Variants in CD226 observed in about 807,000 individuals in gnomAD.
The protein encoded by CD226 is CD226 antigen.
Under a neutral mutation model 34.9 loss-of-function variants are expected in CD226, and 24 were observed. The observed-to-expected ratio is 0.69, with a 90% CI of 0.50 to 0.97. The LOEUF is 0.97. Ranked by LOEUF, CD226 falls within the 50% of genes least tolerant of loss-of-function variation. The pLI is 0.00. For synonymous variants in CD226, 148 were observed against 147.4 expected (o/e 1.00, Z -0.03); for missense variants, 397 against 412.7 (o/e 0.96, Z 0.33).
chr18:69,877,038 A>G (rs1172857422), intron 3 of CD226, among the ~76,000 whole-genome samples: 1 of 151,614 alleles, frequency 6.6e-6, no homozygotes, highest in Non-Finnish European at 1.5e-5. Context: ...TAATTTTTGT[A>G]TTTTTAGTAG....
intron 3 of CD226, among the ~76,000 whole-genome samples, chr18:69,878,141 TGAAGCCCTTTTCTTTAAAAAG>T (rs941110569): frequency 3.9e-5 from 6 of 152,252 alleles, no homozygotes; most frequent in African/African-American, 1.2e-4. Context: ...ATGTCAGCCC[TGAAGCCCTTTTCTTTAAAAAG>T]GAAGCCCTTT....
chr18:69,864,190 C>A lies in CD226; in HGVS notation c.*124G>T. ...TTAGGTAATGAAGTATTTTTCCTATCAAAGTAACTCAATTCAGACAACTAG... is the reference window on the plus strand; with the variant it reads ...TTAGGTAATGAAGTATTTTTCCTATAAAAGTAACTCAATTCAGACAACTAG... On this transcript the variant is annotated 3_prime_UTR_variant, in exon 6 of 6. Coordinates refer to ENST00000582621, the MANE Select transcript of CD226 (RefSeq NM_001303618.2). The A allele has an allele frequency of 1.3e-6, 1 of 776,672 alleles. No homozygotes were observed. Among genetic ancestry groups the A allele is most frequent in the Non-Finnish European group, 2.1e-6 (1 of 486,738 alleles). 48.1% of individuals were successfully genotyped at this position (776,672 alleles called of 1,614,324 possible).
rs998104124 is a variant in CD226, at chr18:69,857,761, T to A, written c.*6553A>T. Reference sequence around the variant, plus strand: ...ATGAGAACTTAGTCTAGAAAGGGCCTCCACTTATTTGACCACAGGTAGAAG... The same window carrying A: ...ATGAGAACTTAGTCTAGAAAGGGCCACCACTTATTTGACCACAGGTAGAAG... On this transcript the variant is annotated 3_prime_UTR_variant, in exon 6 of 6. Transcript: ENST00000582621. The A allele has an allele frequency of 1.3e-5, 2 of 152,184 alleles. No homozygotes were observed. The highest frequency in any genetic ancestry group is 4.8e-5 in the African/African-American group (2 of 41,438). 9.4% of individuals were successfully genotyped at this position (152,184 alleles called of 1,614,324 possible). A position where few individuals can be genotyped will look rare whatever the true frequency, so the allele number is the denominator to read the frequency against.
chr18:69,891,572 T>C (rs1691333470), intron 3 of CD226, among the ~76,000 whole-genome samples: 2 of 152,146 alleles, frequency 1.3e-5, no homozygotes, highest in East Asian at 1.9e-4. Context: ...GACATAATCA[T>C]ATATGTATAA....
intron 1 of CD226, among the ~76,000 whole-genome samples, chr18:69,953,092 C>T (rs2055867540): frequency 1.3e-5 from 2 of 152,170 alleles, no homozygotes; most frequent in South Asian, 4.1e-4. Flanking sequence ...GAAATTCGAA[C>T]CCTTGTGTAC....
At chr18:69,939,203 ACCCTTTCAG>A (rs2055692626) in intron 2 of CD226, among the ~76,000 whole-genome samples, 1 of 152,084 alleles carries the variant, frequency 6.6e-6, no homozygotes, top group Admixed American at 6.6e-5. Context: ...AGCCTTAAAG[ACCCTTTCAG>A]CCCTTCCTGA....
At chr18:69,880,609 A>G (rs1984192411) in intron 3 of CD226, among the ~76,000 whole-genome samples, 1 of 151,708 alleles carries the variant, frequency 6.6e-6, no homozygotes, top group African/African-American at 2.4e-5. Context: ...TTGGTCAAAG[A>G]GTACAAAATT....
upstream of CD226, among the ~76,000 whole-genome samples, chr18:69,949,552 T>C (rs529118775): frequency 1.3e-3 from 192 of 152,062 alleles, 1 homozygote; most frequent in African/African-American, 4.5e-3. Context: ...CCTGCATTCA[T>C]ATCTTCTGTC....
chr18:69,884,182 A>G (rs902859217), intron 3 of CD226, among the ~76,000 whole-genome samples: 1 of 152,118 alleles, frequency 6.6e-6, no homozygotes, highest in Non-Finnish European at 1.5e-5. Context: ...TGGATGACAG[A>G]GCAAGACCCT....
intron 3 of CD226, among the ~76,000 whole-genome samples, chr18:69,886,366 A>G (rs1419691400): frequency 6.6e-6 from 1 of 152,202 alleles, no homozygotes; most frequent in East Asian, 1.9e-4. Flanking sequence ...GTGACACGTA[A>G]TTCTTAGAAC....
At chr18:69,894,534 A>G (rs1354875440) in intron 3 of CD226, among the ~76,000 whole-genome samples, 12 of 116 alleles carry the variant, frequency 0.1, 4 homozygotes, top group South Asian at 1. Flanking sequence ...GGGGAGAGAC[A>G]GGAGGGGAGG....
chr18:69,864,516 C>A (rs781043142), intron 5 of CD226, 77 bp from the exon 6 acceptor site: 1 of 1,410,718 alleles, frequency 7.1e-7, no homozygotes, highest in African/African-American at 1.4e-5. Context: ...AAACATACCT[C>A]TCATAAATGC....
intron 2 of CD226, among the ~76,000 whole-genome samples, chr18:69,941,704 C>T (rs1410377185): frequency 6.6e-6 from 1 of 152,166 alleles, no homozygotes; most frequent in African/African-American, 2.4e-5. Flanking sequence ...AGGTACTTGC[C>T]TTGTCTCAGA....
intron 2 of CD226, among the ~76,000 whole-genome samples, chr18:69,927,969 C>T (rs2055543992): frequency 1.3e-5 from 2 of 152,092 alleles, no homozygotes. Context: ...TTGCAAATGA[C>T]ACTAAACCAC....
At chr18:69,880,042 T>C (rs1050591470) in intron 3 of CD226, among the ~76,000 whole-genome samples, 1 of 152,200 alleles carries the variant, frequency 6.6e-6, no homozygotes, top group Non-Finnish European at 1.5e-5. Context: ...CGAACATGTT[T>C]TATTGGGAAT....
At chr18:69,944,811 G>A (rs2055769336) in intron 2 of CD226, among the ~76,000 whole-genome samples, 1 of 152,162 alleles carries the variant, frequency 6.6e-6, no homozygotes, top group South Asian at 2.1e-4. Flanking sequence ...AGCAAATGAG[G>A]ACTTGTATGG....
intron 2 of CD226, among the ~76,000 whole-genome samples, chr18:69,916,849 A>G (rs2055392265): frequency 6.6e-6 from 1 of 152,158 alleles, no homozygotes; most frequent in Non-Finnish European, 1.5e-5. Context: ...TCTGCATACG[A>G]ATTCTGAACC....
chr18:69,867,051 G>C (rs1440560953), intron 5 of CD226, among the ~76,000 whole-genome samples: 1 of 152,100 alleles, frequency 6.6e-6, no homozygotes, highest in Non-Finnish European at 1.5e-5. Flanking sequence ...ACCCCGTTTT[G>C]GTAATTTGTC....
chr18:69,925,484 A>G (rs938103519), intron 2 of CD226, among the ~76,000 whole-genome samples: 7 of 152,032 alleles, frequency 4.6e-5, no homozygotes, highest in African/African-American at 1.7e-4. Context: ...GATATTCCAA[A>G]ACCATATTCC....
Sources: allele counts gnomAD v4.1 joint callset (sites outside exome capture counted in the v4.1 genomes callset), GRCh38; gene constraint gnomAD v4.1.1; transcripts MANE v1.5; gene names NCBI Gene and HGNC (gene_info 2026-07-23, HGNC 2026-07-21).